The following MRTFB variants were observed in gnomAD, a reference collection of about 807,000 sequenced individuals.
MRTFB encodes myocardin-related transcription factor B.
A neutral mutation model predicts 104.2 loss-of-function variants in MRTFB; 29 were observed. That is an observed-to-expected ratio of 0.28 (90% confidence interval 0.21 to 0.38). The LOEUF is 0.38. Among genes scored for constraint, MRTFB ranks in the 10% least tolerant of loss-of-function variants. The probability of loss-of-function intolerance (pLI) is 1.00; values close to 1 mark genes in which losing one functional copy is unlikely to be tolerated. For missense variants in MRTFB, 1,270 were observed against 1,341.6 expected (o/e 0.95, Z 0.83); for synonymous variants, 535 against 519.5 (o/e 1.03, Z -0.41).
chr16:14,126,383 CT>C (rs2037112618), intron 2 of MRTFB, among the ~76,000 whole-genome samples: 1 of 152,066 alleles, frequency 6.6e-6, no homozygotes, highest in African/African-American at 2.4e-5. Context: ...CTTTAAAACC[CT>C]ATTATCATTT....
chr16:13,996,795 T>C, the MRTFB span, among the ~76,000 whole-genome samples: 3,349 of 152,244 alleles, frequency 0.022, 127 homozygotes, highest in African/African-American at 0.078. Context: ...CCCCCAGTGG[T>C]GTGTTTTCTG....
At chr16:14,068,582 TTGTG>T (rs1193658092), upstream of MRTFB, among the ~76,000 whole-genome samples, 8 of 152,192 alleles carry the variant, frequency 5.3e-5, no homozygotes, top group African/African-American at 1.2e-4. Context: ...TCGTTGCGTG[TTGTG>T]TGTGTCGTTG....
At chr16:14,216,813 A>C (rs1567178232) in intron 6 of MRTFB, among the ~76,000 whole-genome samples, 1 of 152,172 alleles carries the variant, frequency 6.6e-6, no homozygotes, top group East Asian at 1.9e-4. Flanking sequence ...CTGTATCCCC[A>C]ATACCTAGTA....
chr16:14,145,105 G>A (rs1241958239), intron 3 of MRTFB, among the ~76,000 whole-genome samples: 1 of 150,786 alleles, frequency 6.6e-6, no homozygotes, highest in African/African-American at 2.4e-5. Flanking sequence ...TTCACATCAA[G>A]TAATATATAG....
In MRTFB at chr16:14,260,521, T is replaced by C. The variant is rs74979376; in HGVS notation, c.2765-388T>C. Among the ~76,000 whole-genome samples, 6 of 152,294 alleles carry C rather than the reference T, an allele frequency of 3.9e-5. No individual in the cohort carries two copies. The East Asian group carries it at 1.2e-3, about 29-fold the overall frequency. On this transcript the variant is annotated intron_variant, in intron 16 of 16. Transcript: ENST00000571589. The stretch of plus-strand genomic sequence containing the variant: ...TGATATGAGCCCTATCTTAAAACTT[T>C]AATGACAAAATAACGACTCAAAGAT...
At chr16:14,078,289 T>C (rs2034186069) in intron 1 of MRTFB, among the ~76,000 whole-genome samples, 1 of 152,310 alleles carries the variant, frequency 6.6e-6, no homozygotes, top group East Asian at 1.9e-4. Context: ...CTGGCAAAGA[T>C]TGGACATTCA....
chr16:14,238,678 C>A (rs888775595), intron 9 of MRTFB, among the ~76,000 whole-genome samples: 1 of 152,028 alleles, frequency 6.6e-6, no homozygotes, highest in Non-Finnish European at 1.5e-5. Context: ...AGAACAGTCA[C>A]TAAAGTTATG....
At chr16:14,076,318 A>G (rs973295808) in intron 1 of MRTFB, among the ~76,000 whole-genome samples, 4 of 152,108 alleles carry the variant, frequency 2.6e-5, no homozygotes, top group Admixed American at 6.5e-5. Flanking sequence ...CAGCCTCCCA[A>G]GTAGCTTGGG....
At chr16:14,120,166 A>T (rs1011357407) in intron 2 of MRTFB, among the ~76,000 whole-genome samples, 4 of 152,016 alleles carry the variant, frequency 2.6e-5, no homozygotes, top group Non-Finnish European at 5.9e-5. Flanking sequence ...TTATATCCTT[A>T]TATATCTCAG....
intron 2 of MRTFB, among the ~76,000 whole-genome samples, chr16:14,104,087 G>A (rs1293618163): frequency 6.6e-6 from 1 of 152,186 alleles, no homozygotes; most frequent in Non-Finnish European, 1.5e-5. Flanking sequence ...TTTTCAGAGG[G>A]TGCTCTTAAC....
intron 2 of MRTFB, among the ~76,000 whole-genome samples, chr16:14,112,354 G>A (rs1051952456): frequency 2.0e-5 from 3 of 152,184 alleles, no homozygotes; most frequent in African/African-American, 2.4e-5. Context: ...ATCATGAGGT[G>A]AGTGGCTGAG....
intron 3 of MRTFB, among the ~76,000 whole-genome samples, chr16:14,169,437 A>C (rs1303086702): frequency 2.2e-5 from 3 of 137,914 alleles, no homozygotes; most frequent in African/African-American, 3.4e-5. Context: ...CCTTTTTTTA[A>C]CTTTGCCCAT....
At chr16:14,179,262 G>T (rs1033197432) in intron 3 of MRTFB, among the ~76,000 whole-genome samples, 1 of 152,180 alleles carries the variant, frequency 6.6e-6, no homozygotes, top group African/African-American at 2.4e-5. Flanking sequence ...CCTGACAGTG[G>T]TCCTCACTGC....
chr16:14,246,116 A>C (rs970318249), intron 11 of MRTFB, among the ~76,000 whole-genome samples: 1 of 152,180 alleles, frequency 6.6e-6, no homozygotes, highest in Non-Finnish European at 1.5e-5. Context: ...CGGACACCTC[A>C]TGGGGTCGTG....
chr16:14,263,232 C>T lies in MRTFB; in HGVS notation c.*1788C>T. 1 of 152,236 alleles carries T rather than the reference C, an allele frequency of 6.6e-6. No individual in the cohort carries two copies. The highest frequency in any genetic ancestry group is 1.5e-5 in the Non-Finnish European group (1 of 68,064). The allele number at this position is 152,236 out of a possible 1,614,324, so 9.4% of individuals were successfully genotyped here. Reference sequence around the variant, plus strand: ...AAGTGTTCAGAAATTGGTAAACCAACACACGGGATACAATAACTCTCTGTT... The same window carrying T: ...AAGTGTTCAGAAATTGGTAAACCAATACACGGGATACAATAACTCTCTGTT... On this transcript the variant is annotated 3_prime_UTR_variant, in exon 17 of 17. Transcript: ENST00000571589.
intron 2 of MRTFB, among the ~76,000 whole-genome samples, chr16:14,101,991 C>T (rs2035728483): frequency 6.6e-6 from 1 of 151,942 alleles, no homozygotes; most frequent in African/African-American, 2.4e-5. Context: ...AAATACATAA[C>T]AGCTGTTTGC....
intron 8 of MRTFB, among the ~76,000 whole-genome samples, chr16:14,229,576 C>A (rs1368848931): frequency 1.3e-5 from 2 of 152,192 alleles, no homozygotes; most frequent in African/African-American, 4.8e-5. Context: ...TGGCCCTTGT[C>A]CTGTGTACCA....
intron 3 of MRTFB, among the ~76,000 whole-genome samples, chr16:14,193,978 T>C (rs72785421): frequency 0.11 from 16,213 of 152,196 alleles, 1,234 homozygotes; most frequent in Non-Finnish European, 0.16. Flanking sequence ...CTTACAGTTT[T>C]CGACTTAAAC....
chr16:14,261,476 G>A lies in MRTFB; in HGVS notation c.*32G>A, dbSNP rs990865009. 6.5e-7 allele frequency: 1 copy of A among 1,540,116 alleles called. No individual in the cohort carries two copies. The highest frequency in any genetic ancestry group is 8.8e-7 in the Non-Finnish European group (1 of 1,142,146). On this transcript the variant is annotated 3_prime_UTR_variant, in exon 17 of 17. Coordinates refer to ENST00000571589, the MANE Select transcript of MRTFB (RefSeq NM_001308142.2). ...AGATTTCTTTTCTGAGAGTTGATGA[G>A]GTTTAAGAACATGAAGATTCTAAAA...
Sources: gnomAD v4.1 joint callset for allele counts (sites outside exome capture counted in the v4.1 genomes callset) on GRCh38, gnomAD v4.1.1 for gene constraint, MANE v1.5 for transcripts, NCBI Gene and HGNC (gene_info 2026-07-23, HGNC 2026-07-21) for gene names.